The following CREB5 variants were observed in gnomAD, a reference collection of about 807,000 sequenced individuals.
CREB5 encodes the protein cyclic AMP-responsive element-binding protein 5.
A neutral mutation model predicts 57.1 loss-of-function variants in CREB5; 19 were observed. That is an observed-to-expected ratio of 0.33 (90% confidence interval 0.23 to 0.49). The LOEUF (loss-of-function observed/expected upper bound fraction) is 0.49, where lower values mean the gene tolerates loss of function less well. Among genes scored for constraint, CREB5 ranks in the 20% least tolerant of loss-of-function variants. The probability of loss-of-function intolerance (pLI) is 0.99; values close to 1 mark genes in which losing one functional copy is unlikely to be tolerated. For missense variants in CREB5, 579 were observed against 671.6 expected, an observed-to-expected ratio of 0.86 and a Z score of 1.52; for synonymous variants, 238 against 238.3, an observed-to-expected ratio of 1.00 and a Z score of 0.01.
At chr7:28,639,850 C>T (rs1798577826) in intron 5 of CREB5, among the ~76,000 whole-genome samples, 1 of 152,178 alleles carries the variant, frequency 6.6e-6, no homozygotes, top group Non-Finnish European at 1.5e-5. Context: ...ATCAATGCCA[C>T]AAATCCTGCC....
chr7:28,638,043 CT>C (rs1190686142), intron 5 of CREB5, among the ~76,000 whole-genome samples: 3 of 152,106 alleles, frequency 2.0e-5, no homozygotes, highest in Non-Finnish European at 4.4e-5. Context: ...TACAGAGACT[CT>C]TTCCTGAGTG....
chr7:28,586,358 T>A (rs1241677800), intron 5 of CREB5, among the ~76,000 whole-genome samples: 1 of 152,090 alleles, frequency 6.6e-6, no homozygotes, highest in East Asian at 1.9e-4. Context: ...GGGCCCAGGG[T>A]GTTCTTTTAA....
rs1047037902 is a variant in CREB5, at chr7:28,549,490, G to A, written c.292-20875G>A. On this transcript the variant is annotated intron_variant, in intron 4 of 10. Transcript: ENST00000357727. ...AAGACTGAAATTTCTCCTAGGGATCGCATCTGGTATTTAGTACCTACACAC... is the reference window on the plus strand; with the variant it reads ...AAGACTGAAATTTCTCCTAGGGATCACATCTGGTATTTAGTACCTACACAC... Among the ~76,000 whole-genome samples the A allele has an allele frequency of 2.0e-4, 30 of 152,116 alleles. 1 individual carries two copies. Among genetic ancestry groups the A allele is most frequent in the Admixed American group, 1.8e-3 (28 of 15,268 alleles).
chr7:28,354,982 C>T (rs569914027), intron 1 of CREB5, among the ~76,000 whole-genome samples: 29 of 152,158 alleles, frequency 1.9e-4, no homozygotes, highest in Non-Finnish European at 3.5e-4. Flanking sequence ...TGGGGCCTAG[C>T]CACCCCCGCA....
chr7:28,604,169 G>A (rs1797028699), intron 5 of CREB5, among the ~76,000 whole-genome samples: 1 of 152,138 alleles, frequency 6.6e-6, no homozygotes, highest in Non-Finnish European at 1.5e-5. Context: ...CACAGGAAAT[G>A]AGGAATCAAG....
chr7:28,675,101 G>A (rs1205786560), intron 5 of CREB5, among the ~76,000 whole-genome samples: 1 of 152,168 alleles, frequency 6.6e-6, no homozygotes, highest in African/African-American at 2.4e-5. Context: ...CAGGTAAAAT[G>A]TCATCTCTTT....
Position 28,412,756 on chromosome 7 carries a change from G to A in CREB5, c.-159G>A. ...GACCTGTTCTTTTTACTAAAAGCTA[G>A]TTTCACTATCTTCTGGTCTGAAATA... is the stretch of plus-strand genomic sequence containing the variant. On this transcript the variant is annotated 5_prime_UTR_variant, in exon 1 of 11. Coordinates refer to ENST00000357727, the MANE Select transcript of CREB5 (RefSeq NM_182898.4). 1 of 528,904 alleles carries A rather than the reference G, an allele frequency of 1.9e-6. No individual in the cohort carries two copies. The highest frequency in any genetic ancestry group is 3.0e-6 in the Non-Finnish European group (1 of 327,942). The allele number at this position is 528,904 out of a possible 1,614,324, so 32.8% of individuals were successfully genotyped here. A position where few individuals can be genotyped will look rare whatever the true frequency, so the allele number is the denominator to read the frequency against.
At chr7:28,651,253 C>T (rs148576533) in intron 5 of CREB5, among the ~76,000 whole-genome samples, 2 of 152,192 alleles carry the variant, frequency 1.3e-5, no homozygotes, top group East Asian at 3.9e-4. Flanking sequence ...ACTACTGTTG[C>T]TGTCCTTTCA....
intron 7 of CREB5, among the ~76,000 whole-genome samples, chr7:28,796,667 C>A (rs1414182785): frequency 6.6e-6 from 1 of 152,228 alleles, no homozygotes; most frequent in African/African-American, 2.4e-5. Flanking sequence ...GCAATGATAA[C>A]TTTTCTTTCT....
In CREB5 at chr7:28,494,956, G is replaced by A; in HGVS notation, c.126G>A (p.Met42Ile). The A allele has an allele frequency of 6.2e-7, 1 of 1,608,572 alleles. No individual in the cohort carries two copies. The highest frequency in any genetic ancestry group is 8.5e-7 in the Non-Finnish European group (1 of 1,178,892). ...HLMIHRHKHE[M>I]TLKFPSIKTD... ...TGATTCATAGGCACAAACATGAAATGACTTTGAAGTTTCCTTCAATAAAAA... is the reference window on the plus strand; with the variant it reads ...TGATTCATAGGCACAAACATGAAATAACTTTGAAGTTTCCTTCAATAAAAA... Residue 42 changes from methionine to isoleucine, a missense_variant, in exon 3 of 11, where the codon ATG becomes ATA. By Grantham distance (10) the Met-to-Ile change is conservative. Around this residue, in one of 3 missense-constraint regions of CREB5, gnomAD observed 459 missense variants for 515.7 expected, o/e 0.89. Coordinates refer to ENST00000357727, the MANE Select transcript of CREB5 (RefSeq NM_182898.4).
At chr7:28,772,015 G>A (rs1030514219) in intron 7 of CREB5, among the ~76,000 whole-genome samples, 3 of 152,112 alleles carry the variant, frequency 2.0e-5, no homozygotes, top group Admixed American at 6.5e-5. Context: ...GGTAAAAACT[G>A]GACAGCAAAG....
intron 1 of CREB5, among the ~76,000 whole-genome samples, chr7:28,305,967 G>C (rs554155853): frequency 6.6e-6 from 1 of 152,066 alleles, no homozygotes; most frequent in African/African-American, 2.4e-5. Flanking sequence ...GTATGGACAC[G>C]TGTACAGATT....
chr7:28,448,634 G>A (rs4719934), intron 1 of CREB5, among the ~76,000 whole-genome samples: 21,175 of 152,218 alleles, frequency 0.14, 1,915 homozygotes, highest in Non-Finnish European at 0.2. Context: ...AATTCTTCAG[G>A]TAGCTTGGCT....
chr7:28,474,960 T>C lies in CREB5; in HGVS notation c.4-13215T>C, dbSNP rs563069988. On this transcript the variant is annotated intron_variant, in intron 1 of 10. Transcript: ENST00000357727. ...AGGATGTGATGGTATGTGAAAGATATGTTTTCATTAAATAAAATTTTGACT... is the reference window on the plus strand; with the variant it reads ...AGGATGTGATGGTATGTGAAAGATACGTTTTCATTAAATAAAATTTTGACT... Among the ~76,000 whole-genome samples the C allele has an allele frequency of 3.3e-5, 5 of 152,324 alleles. No homozygotes were observed. In the South Asian group the frequency reaches 6.2e-4, roughly 19 times the overall value.
At chr7:28,742,095 G>A (rs1009180719) in intron 7 of CREB5, among the ~76,000 whole-genome samples, 28 of 149,550 alleles carry the variant, frequency 1.9e-4, no homozygotes, top group African/African-American at 6.6e-4. Flanking sequence ...AATCCATAGT[G>A]TGGTGTTCTC....
chr7:28,621,488 A>G (rs996897768), intron 5 of CREB5, among the ~76,000 whole-genome samples: 2 of 152,202 alleles, frequency 1.3e-5, no homozygotes, highest in African/African-American at 4.8e-5. Context: ...CAAGACCTTC[A>G]CAGACTAAAT....
intron 1 of CREB5, among the ~76,000 whole-genome samples, chr7:28,436,337 A>G (rs1459404980): frequency 1.3e-5 from 2 of 152,114 alleles, no homozygotes; most frequent in African/African-American, 4.8e-5. Flanking sequence ...AGTCACAGCT[A>G]CAATCTGTTG....
At chr7:28,529,437 C>T (rs537921150) in intron 4 of CREB5, among the ~76,000 whole-genome samples, 1 of 152,286 alleles carries the variant, frequency 6.6e-6, no homozygotes, top group African/African-American at 2.4e-5. Context: ...CCCAAGTTTC[C>T]ACAATTTTAT....
chr7:28,656,761 A>T (rs1799348192), intron 5 of CREB5, among the ~76,000 whole-genome samples: 2 of 152,166 alleles, frequency 1.3e-5, no homozygotes, highest in Non-Finnish European at 2.9e-5. Flanking sequence ...GTTGAGAGAG[A>T]TGTTTAGTCC....
Sources: allele counts gnomAD v4.1 joint callset (sites outside exome capture counted in the v4.1 genomes callset), GRCh38; gene constraint gnomAD v4.1.1; regional missense constraint gnomAD v4.1.1; transcripts MANE v1.5; gene names NCBI Gene and HGNC (gene_info 2026-07-23, HGNC 2026-07-21).